Variants in RAB20 observed in about 807,000 individuals in gnomAD.
The protein encoded by RAB20 is RAB20, member RAS oncogene family.
A neutral mutation model predicts 3.7 loss-of-function variants in RAB20; 2 were observed. The observed-to-expected ratio is 0.54, with a 90% CI of 0.22 to 1.69. The LOEUF (loss-of-function observed/expected upper bound fraction) is 1.69, where lower values mean the gene tolerates loss of function less well. Among genes scored for constraint, RAB20 ranks in the 40% most tolerant of loss-of-function variants. RAB20 has a pLI of 0.19. For synonymous variants in RAB20, 126 were observed against 130.8 expected, an observed-to-expected ratio of 0.96 and a Z score of 0.25; for missense variants, 276 against 311.9, an observed-to-expected ratio of 0.88 and a Z score of 0.87.
intron 1 of RAB20, among the ~76,000 whole-genome samples, chr13:110,536,493 TC>T (rs776295399): frequency 5.3e-5 from 8 of 152,022 alleles, no homozygotes; most frequent in Non-Finnish European, 1.0e-4. Flanking sequence ...CCACTTCCTC[TC>T]CCCGAGGAAA....
chr13:110,536,470 T>C (rs1884640670), intron 1 of RAB20, among the ~76,000 whole-genome samples: 2 of 152,196 alleles, frequency 1.3e-5, no homozygotes, highest in African/African-American at 4.8e-5. Flanking sequence ...AAGCTTCTGC[T>C]TCCGTTGCCT....
At chr13:110,541,816 CCACACACACA>C (rs10624545) in intron 1 of RAB20, among the ~76,000 whole-genome samples, 1 of 149,420 alleles carries the variant, frequency 6.7e-6, no homozygotes, top group Non-Finnish European at 1.5e-5. Context: ...GAGTGTCCAG[CCACACACACA>C]CACACACACA....
intron 1 of RAB20, among the ~76,000 whole-genome samples, chr13:110,556,445 G>C (rs79692380): frequency 6.6e-6 from 1 of 152,206 alleles, no homozygotes; most frequent in Admixed American, 6.5e-5. Context: ...ATGCAATCCT[G>C]CAAGCTTTGA....
At chr13:110,556,218 C>A (rs1427267381) in intron 1 of RAB20, among the ~76,000 whole-genome samples, 1 of 152,222 alleles carries the variant, frequency 6.6e-6, no homozygotes, top group Non-Finnish European at 1.5e-5. Flanking sequence ...CAGTCAACCA[C>A]CCTGAAAACA....
chr13:110,557,803 C>CA (rs1203323627), intron 1 of RAB20, among the ~76,000 whole-genome samples: 1 of 152,240 alleles, frequency 6.6e-6, no homozygotes, highest in Non-Finnish European at 1.5e-5. Flanking sequence ...CTGCTCCCCC[C>CA]GCCTCCCGGC....
intron 1 of RAB20, among the ~76,000 whole-genome samples, chr13:110,545,218 G>C (rs1884831777): frequency 6.6e-6 from 1 of 152,124 alleles, no homozygotes; most frequent in African/African-American, 2.4e-5. Flanking sequence ...GTAACGCAAG[G>C]GATAAATGTT....
intron 1 of RAB20, among the ~76,000 whole-genome samples, chr13:110,546,722 TTTTG>T (rs146014154): frequency 0.51 from 72,311 of 141,410 alleles, 19,177 homozygotes; most frequent in Middle Eastern, 0.6. Context: ...TTTTTGGGTT[TTTTG>T]TTTGTTTGTT....
intron 1 of RAB20, among the ~76,000 whole-genome samples, chr13:110,550,778 G>A (rs901232771): frequency 5.3e-5 from 8 of 152,066 alleles, no homozygotes; most frequent in African/African-American, 1.9e-4. Flanking sequence ...GTAATTAGAG[G>A]GAAGAGTAGG....
At chr13:110,554,884 G>C (rs1025384051) in intron 1 of RAB20, among the ~76,000 whole-genome samples, 3 of 152,204 alleles carry the variant, frequency 2.0e-5, no homozygotes, top group South Asian at 4.1e-4. Flanking sequence ...TGGGAGGGAG[G>C]GACCTGATCC....
intron 1 of RAB20, among the ~76,000 whole-genome samples, chr13:110,557,207 C>T (rs751793673): frequency 7.9e-5 from 12 of 152,186 alleles, no homozygotes; most frequent in African/African-American, 1.4e-4. Flanking sequence ...CCAGAGAGCT[C>T]AGCTGAGTCG....
At position 110,555,133 on chromosome 13, in the gene RAB20, C is replaced by T. The variant is rs1173915413; in HGVS notation, c.172+6215G>A. ...CCGGGAGTATGGAGCCTGCACAGAG[C>T]CTGGCACGTGGCAGGGACCCACATA... On this transcript the variant is annotated intron_variant, in intron 1 of 1. Coordinates refer to ENST00000267328, the MANE Select transcript of RAB20 (RefSeq NM_017817.3). The surrounding 1 kb of genome is among the most constrained non-coding windows in gnomAD (Gnocchi z 4.0). 6.6e-6 allele frequency among the ~76,000 whole-genome samples: 1 copy of T among 152,158 alleles called. No individual in the cohort carries two copies.
chr13:110,561,605 C>A lies in RAB20; in HGVS notation c.-86G>T. On this transcript the variant is annotated 5_prime_UTR_variant, in exon 1 of 2. Coordinates refer to ENST00000267328, the MANE Select transcript of RAB20 (RefSeq NM_017817.3). Reference sequence around the variant, plus strand: ...CCCTGGGCGCAGCTGGAGGAGCGGACCCCGGACTCGCCGGGACCCGGATTC... The same window carrying A: ...CCCTGGGCGCAGCTGGAGGAGCGGAACCCGGACTCGCCGGGACCCGGATTC... 2 of 1,485,094 alleles carry A rather than the reference C, an allele frequency of 1.3e-6. No individual in the cohort carries two copies. The highest frequency in any genetic ancestry group is 8.9e-7 in the Non-Finnish European group (1 of 1,120,564). 92.0% of individuals were successfully genotyped at this position (1,485,094 alleles called of 1,614,324 possible). A position where few individuals can be genotyped will look rare whatever the true frequency, so the allele number is the denominator to read the frequency against.
chr13:110,547,727 GC>G (rs1234003490), intron 1 of RAB20, among the ~76,000 whole-genome samples: 2 of 152,206 alleles, frequency 1.3e-5, no homozygotes, highest in African/African-American at 4.8e-5. Context: ...AAATGGGGAA[GC>G]GTTTTGCAGA....
intron 1 of RAB20, among the ~76,000 whole-genome samples, chr13:110,556,324 G>C (rs1306734906): frequency 6.6e-6 from 1 of 152,318 alleles, no homozygotes; most frequent in East Asian, 1.9e-4. Context: ...GTGTAGGACA[G>C]ACCTGACCTG....
At chr13:110,540,574 C>T (rs1253727490) in intron 1 of RAB20, among the ~76,000 whole-genome samples, 2 of 152,070 alleles carry the variant, frequency 1.3e-5, no homozygotes, top group African/African-American at 4.8e-5. Flanking sequence ...GAAACCCTGT[C>T]TCTACTAAAA....
At chr13:110,547,366 A>G (rs139932541) in intron 1 of RAB20, among the ~76,000 whole-genome samples, 1 of 152,366 alleles carries the variant, frequency 6.6e-6, no homozygotes, top group African/African-American at 2.4e-5. Flanking sequence ...CAGGAATCTT[A>G]ACACATTGAT....
chr13:110,548,499 C>CA (rs58997928), intron 1 of RAB20, among the ~76,000 whole-genome samples: 70,196 of 149,706 alleles, frequency 0.47, 16,827 homozygotes, highest in Non-Finnish European at 0.53. Context: ...AAAATAAAAA[C>CA]AAAAAAAAAC....
At chr13:110,546,596 G>A (rs1388855926) in intron 1 of RAB20, among the ~76,000 whole-genome samples, 8 of 152,138 alleles carry the variant, frequency 5.3e-5, no homozygotes, top group African/African-American at 1.9e-4. Context: ...TGGTCTGTGT[G>A]ACAGGGCCAC....
chr13:110,550,019 C>T (rs748641962), intron 1 of RAB20, among the ~76,000 whole-genome samples: 15 of 152,214 alleles, frequency 9.9e-5, no homozygotes, highest in Non-Finnish European at 1.8e-4. Context: ...CCACCACACC[C>T]GGCCTTTCCA....
Sources: allele counts gnomAD v4.1 joint callset (sites outside exome capture counted in the v4.1 genomes callset), GRCh38; gene constraint gnomAD v4.1.1; non-coding constraint Gnocchi (gnomAD v3.1); transcripts MANE v1.5; gene names NCBI Gene and HGNC (gene_info 2026-07-23, HGNC 2026-07-21).